Variants in COL28A1 observed in about 807,000 individuals in gnomAD.
COL28A1 encodes collagen type XXVIII alpha 1 chain, also known as collagen alpha-1(XXVIII) chain.
A neutral mutation model predicts 150.2 loss-of-function variants in COL28A1; 161 were observed. The observed-to-expected ratio is 1.07, with a 90% CI of 0.94 to 1.22. The LOEUF is 1.22. COL28A1 is among the 50% of genes most tolerant of loss of function. COL28A1 has a pLI of 0.00. For missense variants in COL28A1, 1,617 were observed against 1,388.3 expected (o/e 1.16, Z -2.62); for synonymous variants, 552 against 469.7 (o/e 1.18, Z -2.26).
intron 27 of COL28A1, among the ~76,000 whole-genome samples, chr7:7,400,503 C>A (rs770423730): frequency 6.6e-6 from 1 of 152,108 alleles, no homozygotes; most frequent in Non-Finnish European, 1.5e-5. Context: ...GTCTGCATGG[C>A]CAGGTGCCCT....
At chr7:7,396,876 A>G (rs1782863649) in intron 27 of COL28A1, among the ~76,000 whole-genome samples, 1 of 152,130 alleles carries the variant, frequency 6.6e-6, no homozygotes, top group African/African-American at 2.4e-5. Flanking sequence ...AACAGTTTAA[A>G]ACCTGCACCA....
At chr7:7,408,962 G>T (rs1783636224) in intron 27 of COL28A1, among the ~76,000 whole-genome samples, 1 of 152,104 alleles carries the variant, frequency 6.6e-6, no homozygotes, top group African/African-American at 2.4e-5. Context: ...ATTACTTCAA[G>T]TAGGTCGTGT....
chr7:7,440,884 A>G, intron 20 of COL28A1, 23 bp from the exon 21 acceptor site: 2 of 1,278,838 alleles, frequency 1.6e-6, no homozygotes, highest in Non-Finnish European at 1.1e-6. Context: ...TTATGAAAAT[A>G]TAGATTTTCG....
chr7:7,502,591 G>T (rs1468502586), intron 11 of COL28A1, among the ~76,000 whole-genome samples: 1 of 151,886 alleles, frequency 6.6e-6, no homozygotes, highest in Non-Finnish European at 1.5e-5. Context: ...TGCAAATGTT[G>T]CAAGTTTAAA....
At chr7:7,530,830 T>C (rs1437547682) in intron 3 of COL28A1, among the ~76,000 whole-genome samples, 3 of 152,098 alleles carry the variant, frequency 2.0e-5, no homozygotes, top group African/African-American at 4.8e-5. Flanking sequence ...ATTTTAAAAA[T>C]TGGAAGTCTA....
At chr7:7,416,640 G>C (rs1354669034) in intron 27 of COL28A1, among the ~76,000 whole-genome samples, 2 of 152,194 alleles carry the variant, frequency 1.3e-5, no homozygotes, top group African/African-American at 2.4e-5. Flanking sequence ...TCCAGGGCTT[G>C]TACAATATGG....
the COL28A1 span, among the ~76,000 whole-genome samples, chr7:7,341,652 A>C: frequency 2.0e-5 from 3 of 152,048 alleles, no homozygotes; most frequent in Non-Finnish European, 4.4e-5. Context: ...TCCTTCAATT[A>C]TCTCTCTCTA....
intron 25 of COL28A1, among the ~76,000 whole-genome samples, chr7:7,426,218 A>C (rs565604594): frequency 3.0e-4 from 46 of 152,336 alleles, no homozygotes; most frequent in Non-Finnish European, 5.9e-4. Flanking sequence ...TTTTAAAATA[A>C]GGTAGAAGTC....
chr7:7,345,076 T>C, the COL28A1 span, among the ~76,000 whole-genome samples: 1 of 152,016 alleles, frequency 6.6e-6, no homozygotes, highest in Non-Finnish European at 1.5e-5. Context: ...GGGCGTTCTC[T>C]TTTGTGTGAT....
chr7:7,378,662 C>T (rs1033181339), intron 30 of COL28A1, among the ~76,000 whole-genome samples: 5 of 152,112 alleles, frequency 3.3e-5, no homozygotes, highest in African/African-American at 1.2e-4. Context: ...GGGGGAGCAG[C>T]CTGAACTTGG....
rs1787864958 is a variant in COL28A1, at chr7:7,464,212, T to C, written c.1303-8100A>G. 2.0e-5 allele frequency among the ~76,000 whole-genome samples: 3 copies of C among 152,190 alleles called. No homozygotes were observed. In the South Asian group the frequency reaches 6.2e-4, roughly 32 times the overall value. The stretch of plus-strand genomic sequence containing the variant: ...GAGACAGACAGCAACACAATAATAG[T>C]GGGGCACTTCAATACTGCACTGACA... On this transcript the variant is annotated intron_variant, in intron 15 of 34. Transcript: ENST00000399429.
chr7:7,481,774 G>A (rs1266251311), intron 13 of COL28A1, among the ~76,000 whole-genome samples: 1 of 152,132 alleles, frequency 6.6e-6, no homozygotes, highest in Non-Finnish European at 1.5e-5. Flanking sequence ...TGCATTGCAA[G>A]CATTAGAGAT....
chr7:7,464,061 AAAG>A (rs1787854136), intron 15 of COL28A1, among the ~76,000 whole-genome samples: 1 of 152,242 alleles, frequency 6.6e-6, no homozygotes, highest in African/African-American at 2.4e-5. Context: ...TTAAAAAGAT[AAAG>A]AAGGTCATTA....
intron 11 of COL28A1, among the ~76,000 whole-genome samples, chr7:7,491,753 G>A (rs372347590): frequency 3.9e-5 from 6 of 152,284 alleles, no homozygotes; most frequent in African/African-American, 1.4e-4. Flanking sequence ...AGCTCTTTAG[G>A]TCTCTCCGGC....
upstream of COL28A1, among the ~76,000 whole-genome samples, chr7:7,537,789 T>C (rs986710160): frequency 5.3e-5 from 8 of 152,226 alleles, no homozygotes; most frequent in African/African-American, 1.9e-4. Flanking sequence ...GGAACAACCA[T>C]GTATTTACCT....
At chr7:7,404,340 C>T (rs1157188104) in intron 27 of COL28A1, among the ~76,000 whole-genome samples, 1 of 151,830 alleles carries the variant, frequency 6.6e-6, no homozygotes, top group South Asian at 2.1e-4. Context: ...AAGAGTAAGT[C>T]AGACCATATC....
intron 27 of COL28A1, among the ~76,000 whole-genome samples, chr7:7,396,248 G>A (rs899857332): frequency 6.6e-5 from 10 of 152,070 alleles, no homozygotes; most frequent in African/African-American, 1.7e-4. Flanking sequence ...ACTGTAACCA[G>A]CAACTGCCAT....
intron 27 of COL28A1, among the ~76,000 whole-genome samples, chr7:7,405,629 G>T (rs1783451019): frequency 6.6e-6 from 1 of 152,100 alleles, no homozygotes; most frequent in Non-Finnish European, 1.5e-5. Context: ...AATGTGTTAG[G>T]ACTACTCTCT....
intron 13 of COL28A1, among the ~76,000 whole-genome samples, chr7:7,487,674 G>T (rs911097666): frequency 6.6e-6 from 1 of 152,112 alleles, no homozygotes; most frequent in Non-Finnish European, 1.5e-5. Flanking sequence ...TAATTTTATA[G>T]AAGTTAAAAT....
Sources: gnomAD v4.1 joint callset for allele counts (sites outside exome capture counted in the v4.1 genomes callset) on GRCh38, gnomAD v4.1.1 for gene constraint, MANE v1.5 for transcripts, NCBI Gene and HGNC (gene_info 2026-07-23, HGNC 2026-07-21) for gene names.